CDH13: variants seen among roughly 807,000 people sequenced by gnomAD.
CDH13 encodes the protein cadherin-13.
In CDH13, 24 loss-of-function variants were observed where a neutral mutation model predicts 63.8. The observed-to-expected ratio is 0.38, with a 90% CI of 0.27 to 0.53. The LOEUF is 0.53. CDH13 is among the 20% of genes least tolerant of loss of function. The pLI is 0.85. For missense variants in CDH13, 1,049 were observed against 903.1 expected, an observed-to-expected ratio of 1.16 and a Z score of -2.07; for synonymous variants, 503 against 355.3, an observed-to-expected ratio of 1.42 and a Z score of -4.67.
intron 6 of CDH13, among the ~76,000 whole-genome samples, chr16:83,368,514 C>CT (rs1431976855): frequency 6.6e-6 from 1 of 151,686 alleles, no homozygotes; most frequent in Non-Finnish European, 1.5e-5. Context: ...AACTCATTTT[C>CT]TTTTTTTTCT....
intron 1 of CDH13, among the ~76,000 whole-genome samples, chr16:82,631,349 A>G (rs1255270690): frequency 6.6e-6 from 1 of 152,186 alleles, no homozygotes; most frequent in Non-Finnish European, 1.5e-5. Context: ...GTGGAAGGAG[A>G]TAACCTTCCC....
rs201506703 is a variant in CDH13, at chr16:82,828,551, C to G, written c.46-29811C>G. Among the ~76,000 whole-genome samples the G allele has an allele frequency of 2.0e-5, 3 of 152,042 alleles. No individual in the cohort carries two copies. The East Asian group carries it at 5.8e-4, about 29-fold the overall frequency. ...CTGAGGCATGAGAATTGCTTGATCCCGGGAGGCAGAGGTTGCAGTGAGATC... is the reference window on the plus strand; with the variant it reads ...CTGAGGCATGAGAATTGCTTGATCCGGGGAGGCAGAGGTTGCAGTGAGATC... On this transcript the variant is annotated intron_variant, in intron 1 of 13. Transcript: ENST00000567109.
At chr16:83,311,903 C>T (rs543328248) in intron 5 of CDH13, among the ~76,000 whole-genome samples, 2 of 151,964 alleles carry the variant, frequency 1.3e-5, no homozygotes, top group African/African-American at 2.4e-5. Context: ...GGAGAAACCC[C>T]GTCTCTACTG....
intron 6 of CDH13, among the ~76,000 whole-genome samples, chr16:83,381,318 C>G (rs1408916769): frequency 3.3e-5 from 5 of 152,098 alleles, no homozygotes; most frequent in African/African-American, 1.2e-4. Context: ...CTCCCCCTTT[C>G]CCTGCCCCTT....
intron 1 of CDH13, among the ~76,000 whole-genome samples, chr16:82,676,819 G>C (rs888838974): frequency 1.3e-5 from 2 of 152,096 alleles, no homozygotes; most frequent in African/African-American, 4.8e-5. Flanking sequence ...TTAAGTTGCT[G>C]AGACTATCAT....
intron 10 of CDH13, among the ~76,000 whole-genome samples, chr16:83,745,233 C>T (rs1912463675): frequency 1.3e-5 from 2 of 152,148 alleles, no homozygotes; most frequent in South Asian, 2.1e-4. Flanking sequence ...AGGCCAGACG[C>T]CTTCCAGGAA....
intron 2 of CDH13, among the ~76,000 whole-genome samples, chr16:82,994,401 T>A (rs1306875355): frequency 6.6e-6 from 1 of 152,114 alleles, no homozygotes; most frequent in Non-Finnish European, 1.5e-5. Context: ...TGAGACCCCC[T>A]ACCTTTAGGG....
At chr16:82,711,290 T>C (rs1467689343) in intron 1 of CDH13, among the ~76,000 whole-genome samples, 1 of 152,192 alleles carries the variant, frequency 6.6e-6, no homozygotes, top group African/African-American at 2.4e-5. Flanking sequence ...ACCATTCTCT[T>C]AAGGATAGAG....
intron 7 of CDH13, among the ~76,000 whole-genome samples, chr16:83,499,153 A>G (rs2074214491): frequency 6.6e-6 from 1 of 152,234 alleles, no homozygotes; most frequent in African/African-American, 2.4e-5. Context: ...TGTTCAGTAA[A>G]TTATGGTATA....
At position 83,034,491 on chromosome 16, in the gene CDH13, C is replaced by G. The variant is rs561978748; in HGVS notation, c.366+2273C>G. ...AAGCTTTTCTCTTACTTAGCCATGA[C>G]CAATGGTCACAGCATCTCACTAATC... On this transcript the variant is annotated intron_variant, in intron 3 of 13. Coordinates refer to ENST00000567109, the MANE Select transcript of CDH13 (RefSeq NM_001257.5). Among the ~76,000 whole-genome samples, 27 of 152,188 alleles carry G rather than the reference C, an allele frequency of 1.8e-4. No individual in the cohort carries two copies. The South Asian group carries it at 5.6e-3, about 32-fold the overall frequency.
chr16:83,587,859 G>A (rs903445680), intron 7 of CDH13, among the ~76,000 whole-genome samples: 23 of 152,152 alleles, frequency 1.5e-4, no homozygotes, highest in East Asian at 1.3e-3. Context: ...AATTTTACAC[G>A]GTGGCAAATA....
At chr16:82,637,432 T>TTTTTTTTTTTTTTTTTTTTTTTG in intron 1 of CDH13, among the ~76,000 whole-genome samples, 1 of 115,038 alleles carries the variant, frequency 8.7e-6, no homozygotes, top group Non-Finnish European at 1.8e-5. Context: ...CTGTGCCTTT[T>TTTTTTTTTTTTTTTTTTTTTTTG]TTTTTTTTTT....
At chr16:83,556,417 T>TA (rs2075603401) in intron 7 of CDH13, among the ~76,000 whole-genome samples, 1 of 152,172 alleles carries the variant, frequency 6.6e-6, no homozygotes, top group Non-Finnish European at 1.5e-5. Context: ...TTGCAGCAGT[T>TA]ATGCACCAAG....
At chr16:82,833,210 A>C (rs2038621133) in intron 1 of CDH13, among the ~76,000 whole-genome samples, 1 of 152,288 alleles carries the variant, frequency 6.6e-6, no homozygotes, top group South Asian at 2.1e-4. Flanking sequence ...TCTGATTTCA[A>C]ATGTGTTCAT....
intron 1 of CDH13, among the ~76,000 whole-genome samples, chr16:82,657,121 G>A (rs952629764): frequency 1.3e-5 from 2 of 151,970 alleles, no homozygotes; most frequent in African/African-American, 4.8e-5. Flanking sequence ...TAAGTTCCCA[G>A]ACACCCAATG....
intron 5 of CDH13, among the ~76,000 whole-genome samples, chr16:83,327,603 C>G (rs2090393115): frequency 6.6e-6 from 1 of 152,152 alleles, no homozygotes; most frequent in Non-Finnish European, 1.5e-5. Context: ...GTAGGCATTA[C>G]AGACCAGAAA....
intron 10 of CDH13, among the ~76,000 whole-genome samples, chr16:83,739,350 AC>A (rs142260152): frequency 0.17 from 26,162 of 152,172 alleles, 2,863 homozygotes; most frequent in Non-Finnish European, 0.25. Context: ...GGAATTAAGC[AC>A]GTCCGGTGTG....
chr16:82,687,127 A>G (rs768873734), intron 1 of CDH13, among the ~76,000 whole-genome samples: 2 of 152,188 alleles, frequency 1.3e-5, no homozygotes, highest in Non-Finnish European at 2.9e-5. Context: ...GCTGCAGGTC[A>G]TCTGTTTACC....
intron 8 of CDH13, among the ~76,000 whole-genome samples, chr16:83,631,035 T>C (rs557684285): frequency 5.9e-5 from 9 of 152,210 alleles, no homozygotes; most frequent in East Asian, 3.8e-4. Context: ...ATCCCGGAGA[T>C]ACATCTCTGC....
Sources: allele counts gnomAD v4.1 joint callset (sites outside exome capture counted in the v4.1 genomes callset), GRCh38; gene constraint gnomAD v4.1.1; transcripts MANE v1.5; gene names NCBI Gene and HGNC (gene_info 2026-07-23, HGNC 2026-07-21).